The following EXOC6B variants were observed in gnomAD, a reference collection of about 807,000 sequenced individuals.
EXOC6B encodes exocyst complex component 6B, also known as SEC15 homolog B.
A neutral mutation model predicts 113.5 loss-of-function variants in EXOC6B; 54 were observed. The observed-to-expected ratio is 0.48, with a 90% CI of 0.38 to 0.60. The LOEUF is 0.60. Among genes scored for constraint, EXOC6B ranks in the 20% least tolerant of loss-of-function variants. The pLI, the probability that EXOC6B is intolerant of heterozygous loss-of-function variation, is 0.00. For synonymous variants in EXOC6B, 357 were observed against 339.0 expected, an observed-to-expected ratio of 1.05 and a Z score of -0.58; for missense variants, 797 against 977.5, an observed-to-expected ratio of 0.82 and a Z score of 2.46.
At position 72,809,617 on chromosome 2, in the gene EXOC6B, TAAAC is replaced by T. The variant is rs377510199; in HGVS notation, c.113+16177_113+16180del. 8.8e-4 allele frequency among the ~76,000 whole-genome samples: 133 copies of T among 151,576 alleles called. 4 individuals carry two copies. The South Asian group carries it at 0.016, about 18-fold the overall frequency. On this transcript the variant is annotated intron_variant, in intron 1 of 21. Transcript: ENST00000272427. The stretch of plus-strand genomic sequence containing the variant: ...AACAAAAACAACAGAGAAAATCAAA[TAAAC>T]AAAGTTTCGGTTTTTTGAAAAGATA...
At chr2:72,706,423 G>T (rs1678883793) in intron 6 of EXOC6B, among the ~76,000 whole-genome samples, 1 of 152,208 alleles carries the variant, frequency 6.6e-6, no homozygotes, top group African/African-American at 2.4e-5. Flanking sequence ...CAGCGGCAGT[G>T]CAGTGGGTGC....
At chr2:72,810,834 A>C (rs1685870236) in intron 1 of EXOC6B, among the ~76,000 whole-genome samples, 1 of 152,140 alleles carries the variant, frequency 6.6e-6, no homozygotes, top group Non-Finnish European at 1.5e-5. Context: ...CTGGCAGATC[A>C]CTTGAGTCCA....
At chr2:72,537,734 A>C (rs1363289990) in intron 8 of EXOC6B, among the ~76,000 whole-genome samples, 2 of 152,194 alleles carry the variant, frequency 1.3e-5, no homozygotes. Context: ...TTTCTGGGTC[A>C]TATTGATTAC....
At chr2:72,301,271 G>T (rs1686512499) in intron 20 of EXOC6B, among the ~76,000 whole-genome samples, 1 of 152,146 alleles carries the variant, frequency 6.6e-6, no homozygotes, top group East Asian at 1.9e-4. Flanking sequence ...GGATTTTTGT[G>T]TCAATGTTCG....
intron 20 of EXOC6B, among the ~76,000 whole-genome samples, chr2:72,286,883 CAT>C (rs1212215707): frequency 6.6e-6 from 1 of 152,040 alleles, no homozygotes; most frequent in Non-Finnish European, 1.5e-5. Flanking sequence ...CTAAATTACT[CAT>C]GTTTCAAGAA....
intron 18 of EXOC6B, among the ~76,000 whole-genome samples, chr2:72,423,169 G>A (rs988385496): frequency 2.0e-5 from 3 of 151,690 alleles, no homozygotes; most frequent in African/African-American, 4.8e-5. Flanking sequence ...AACTCCAGAC[G>A]CACTGCCTTA....
intron 3 of EXOC6B, among the ~76,000 whole-genome samples, chr2:72,732,100 G>C (rs1001557781): frequency 1.3e-5 from 2 of 152,130 alleles, no homozygotes; most frequent in Non-Finnish European, 2.9e-5. Flanking sequence ...ATTGTAAACT[G>C]TGATGGTTTA....
At chr2:72,623,081 C>T (rs963573194) in intron 6 of EXOC6B, among the ~76,000 whole-genome samples, 1 of 152,006 alleles carries the variant, frequency 6.6e-6, no homozygotes, top group African/African-American at 2.4e-5. Flanking sequence ...TGGGTATGTT[C>T]ACTTTGTGAA....
intron 18 of EXOC6B, among the ~76,000 whole-genome samples, chr2:72,404,958 GA>G (rs901609855): frequency 1.3e-5 from 2 of 151,624 alleles, no homozygotes; most frequent in South Asian, 2.1e-4. Context: ...TAAAAACCTT[GA>G]AAAAAAATAG....
chr2:72,418,350 C>A (rs1315574034), intron 18 of EXOC6B, among the ~76,000 whole-genome samples: 2 of 152,186 alleles, frequency 1.3e-5, no homozygotes, highest in African/African-American at 4.8e-5. Context: ...CTAACCTCAA[C>A]TCCTGGCAAC....
chr2:72,799,846 C>T (rs1325988757), intron 1 of EXOC6B, among the ~76,000 whole-genome samples: 2 of 152,112 alleles, frequency 1.3e-5, no homozygotes, highest in African/African-American at 4.8e-5. Context: ...AGACGAATTG[C>T]TTGAGCTCAG....
chr2:72,374,294 C>CA (rs999001293), intron 19 of EXOC6B, among the ~76,000 whole-genome samples: 4 of 152,112 alleles, frequency 2.6e-5, no homozygotes, highest in African/African-American at 9.7e-5. Context: ...AATTGTCCAT[C>CA]AACAGATATA....
chr2:72,434,627 G>C (rs1016499927), intron 18 of EXOC6B, among the ~76,000 whole-genome samples: 3 of 152,170 alleles, frequency 2.0e-5, no homozygotes, highest in African/African-American at 7.2e-5. Context: ...TCCTGGTTTA[G>C]TCTTGGGAGG....
At chr2:72,560,291 A>T (rs1703820304) in intron 7 of EXOC6B, among the ~76,000 whole-genome samples, 1 of 152,090 alleles carries the variant, frequency 6.6e-6, no homozygotes, top group Non-Finnish European at 1.5e-5. Context: ...AAATCAGCTG[A>T]TTTATAGGGA....
intron 1 of EXOC6B, among the ~76,000 whole-genome samples, chr2:72,752,579 C>T (rs1488002517): frequency 6.7e-6 from 1 of 150,180 alleles, no homozygotes; most frequent in African/African-American, 2.5e-5. Context: ...CTCCCTCCTT[C>T]CCTCTTCCCT....
rs371956995 is a variant in EXOC6B at position 72,508,489 on chromosome 2, C to T, written c.1167+4643G>A. Reference sequence around the variant, plus strand: ...ACACATATCTTATAAAAAATTAAGCCGGCCGGGCATAGTGGTTCATGCCTG... The same window carrying T: ...ACACATATCTTATAAAAAATTAAGCTGGCCGGGCATAGTGGTTCATGCCTG... On this transcript the variant is annotated intron_variant, in intron 11 of 21. Transcript: ENST00000272427. Among the ~76,000 whole-genome samples, 51 of 151,848 alleles carry T rather than the reference C, an allele frequency of 3.4e-4. 1 individual carries two copies. In the East Asian group the frequency reaches 8.9e-3, roughly 27 times the overall value.
At chr2:72,744,017 A>C (rs1397875614) in intron 1 of EXOC6B, among the ~76,000 whole-genome samples, 1 of 152,182 alleles carries the variant, frequency 6.6e-6, no homozygotes, top group Non-Finnish European at 1.5e-5. Flanking sequence ...GTAGTGCAAC[A>C]CATTACCTTT....
intron 1 of EXOC6B, among the ~76,000 whole-genome samples, chr2:72,760,110 T>C (rs1208668833): frequency 6.6e-6 from 1 of 152,212 alleles, no homozygotes; most frequent in African/African-American, 2.4e-5. Context: ...TATAGCAAAT[T>C]ATAAACAAAA....
At chr2:72,379,216 C>T (rs1235253386) in intron 19 of EXOC6B, among the ~76,000 whole-genome samples, 1 of 152,162 alleles carries the variant, frequency 6.6e-6, no homozygotes, top group African/African-American at 2.4e-5. Flanking sequence ...TAAACCAATA[C>T]AGCAACTGAC....
Sources: gnomAD v4.1 joint callset for allele counts (sites outside exome capture counted in the v4.1 genomes callset) on GRCh38, gnomAD v4.1.1 for gene constraint, MANE v1.5 for transcripts, NCBI Gene and HGNC (gene_info 2026-07-23, HGNC 2026-07-21) for gene names.